The following MGLL variants were observed in gnomAD, a reference collection of about 807,000 sequenced individuals.
The protein encoded by MGLL is lysophospholipase homolog.
MGLL carries 7 observed loss-of-function variants against 29.1 expected under a neutral mutation model. That is an observed-to-expected ratio of 0.24 (90% confidence interval 0.14 to 0.45). The LOEUF is 0.45. Among genes scored for constraint, MGLL ranks in the 20% least tolerant of loss-of-function variants. The probability of loss-of-function intolerance (pLI) is 0.99; values close to 1 mark genes in which losing one functional copy is unlikely to be tolerated. For missense variants in MGLL, 356 were observed against 413.6 expected (o/e 0.86, Z 1.21); for synonymous variants, 148 against 168.3 (o/e 0.88, Z 0.93).
intron 5 of MGLL, among the ~76,000 whole-genome samples, chr3:127,717,468 C>A (rs981134054): frequency 4.6e-5 from 7 of 152,154 alleles, no homozygotes; most frequent in African/African-American, 1.4e-4. Context: ...CCTTCCAGGG[C>A]GGTGCTGGAG....
intron 3 of MGLL, among the ~76,000 whole-genome samples, chr3:127,729,636 C>G (rs550852045): frequency 6.6e-6 from 1 of 152,330 alleles, no homozygotes; most frequent in African/African-American, 2.4e-5. Context: ...ATGAACAAGT[C>G]CTTCATTGCT....
At chr3:127,715,403 G>GTGGTCTCCGTAT in intron 5 of MGLL, 1 of 323,772 alleles carries the variant, frequency 3.1e-6, no homozygotes, top group Non-Finnish European at 6.1e-6. Context: ...TTGTGTAGAG[G>GTGGTCTCCGTAT]CAAATATTTT....
At chr3:127,696,392 GCTT>G (rs1169087864) in intron 6 of MGLL, among the ~76,000 whole-genome samples, 5 of 100,616 alleles carry the variant, frequency 5.0e-5, no homozygotes, top group South Asian at 3.5e-4. Context: ...AGCCCCTGAT[GCTT>G]CTTTTTTTTT....
chr3:127,737,630 CTTTTTTTTTTTT>C (rs774965066), intron 3 of MGLL, among the ~76,000 whole-genome samples: 21 of 68,610 alleles, frequency 3.1e-4, no homozygotes, highest in African/African-American at 1.3e-3. Context: ...TCAACTGCTT[CTTTTTTTTTTTT>C]TTTTTTTTTT....
chr3:127,776,987 T>C (rs952124157), intron 3 of MGLL, among the ~76,000 whole-genome samples: 2 of 150,988 alleles, frequency 1.3e-5, no homozygotes, highest in South Asian at 2.1e-4. Context: ...AAAGGAATAG[T>C]TCCCACGCAG....
intron 3 of MGLL, among the ~76,000 whole-genome samples, chr3:127,733,500 T>G (rs1264095765): frequency 1.3e-5 from 2 of 152,106 alleles, no homozygotes; most frequent in African/African-American, 2.4e-5. Flanking sequence ...CAGGACCCCT[T>G]TCTGGTAACA....
At chr3:127,715,590 A>G in intron 5 of MGLL, 3 of 439,308 alleles carry the variant, frequency 6.8e-6, no homozygotes, top group South Asian at 4.9e-5. Flanking sequence ...TCTCTCCTGA[A>G]GGAGGAAAGG....
At chr3:127,791,865 G>A (rs909473995) in intron 2 of MGLL, among the ~76,000 whole-genome samples, 4 of 152,150 alleles carry the variant, frequency 2.6e-5, no homozygotes, top group Non-Finnish European at 5.9e-5. Context: ...GAGGTCAGGA[G>A]TTCGAGACCA....
chr3:127,799,215 C>T (rs2077436564), intron 2 of MGLL, among the ~76,000 whole-genome samples: 1 of 152,206 alleles, frequency 6.6e-6, no homozygotes, highest in Admixed American at 6.5e-5. Context: ...ATTATCTCAG[C>T]AGGTCCTCCT....
At chr3:127,789,546 C>A (rs528031237) in intron 2 of MGLL, among the ~76,000 whole-genome samples, 1 of 152,086 alleles carries the variant, frequency 6.6e-6, no homozygotes, top group African/African-American at 2.4e-5. Context: ...CCCATCTCTA[C>A]AAAAACATTT....
intron 2 of MGLL, among the ~76,000 whole-genome samples, chr3:127,811,190 C>A (rs1464978350): frequency 7.3e-5 from 10 of 137,592 alleles, no homozygotes; most frequent in Admixed American, 2.1e-4. Flanking sequence ...CTCTCTCAGT[C>A]ATCCCACTGT....
chr3:127,708,817 C>T (rs1262909136), intron 6 of MGLL, among the ~76,000 whole-genome samples: 1 of 152,212 alleles, frequency 6.6e-6, no homozygotes, highest in East Asian at 1.9e-4. Context: ...CTGAGTTTCC[C>T]TGTCAAAGTG....
rs879472308 is a variant in MGLL at position 127,710,734 on chromosome 3, A to AGTTT, written c.511-73_511-70dup. 376 of 1,317,176 alleles carry AGTTT rather than the reference A, an allele frequency of 2.9e-4. 1 individual carries two copies. The highest frequency in any genetic ancestry group is 3.6e-4 in the Non-Finnish European group (339 of 933,898). The allele number at this position is 1,317,176 out of a possible 1,614,324, so 81.6% of individuals were successfully genotyped here. A position where few individuals can be genotyped will look rare whatever the true frequency, so the allele number is the denominator to read the frequency against. ...CCACACCCGGCTCTTCCGCAGTGAC[A>AGTTT]GTTTACAGTACATTAAGGAGAGTGA... On this transcript the variant is annotated intron_variant, in intron 5 of 7. Coordinates refer to ENST00000265052, the MANE Select transcript of MGLL (RefSeq NM_007283.7).
At chr3:127,707,945 G>A (rs1304816679) in intron 6 of MGLL, among the ~76,000 whole-genome samples, 5 of 152,160 alleles carry the variant, frequency 3.3e-5, no homozygotes, top group Admixed American at 6.5e-5. Flanking sequence ...GAGCTAACCC[G>A]CTTCCCTTCA....
intron 3 of MGLL, among the ~76,000 whole-genome samples, chr3:127,754,532 C>A (rs60479698): frequency 6.6e-6 from 1 of 152,064 alleles, no homozygotes; most frequent in South Asian, 2.1e-4. Context: ...GGCAGCAGTA[C>A]CGCCTGTGTC....
intron 6 of MGLL, among the ~76,000 whole-genome samples, chr3:127,699,567 GATGACTC>G: frequency 6.6e-6 from 1 of 152,318 alleles, no homozygotes; most frequent in Middle Eastern, 3.4e-3. Flanking sequence ...AGAGAGGTTA[GATGACTC>G]ACCCAAGGTT....
chr3:127,695,249 G>A (rs2075335880), intron 6 of MGLL, 59 bp from the exon 7 acceptor site: 8 of 1,525,300 alleles, frequency 5.2e-6, no homozygotes, highest in Middle Eastern at 1.7e-4. Context: ...CATAAGCCAG[G>A]CCTATTTCCT....
At chr3:127,775,732 G>A (rs1054204512) in intron 3 of MGLL, among the ~76,000 whole-genome samples, 48 of 152,216 alleles carry the variant, frequency 3.2e-4, no homozygotes, top group African/African-American at 1.0e-3. Flanking sequence ...AGTGCTCCTG[G>A]AGCCGAGAGT....
At chr3:127,775,217 C>A (rs535581786) in intron 3 of MGLL, among the ~76,000 whole-genome samples, 4 of 152,130 alleles carry the variant, frequency 2.6e-5, no homozygotes, top group Non-Finnish European at 5.9e-5. Flanking sequence ...CTGTCACCCA[C>A]CCTCGGAGTT....
Sources: gnomAD v4.1 joint callset for allele counts (sites outside exome capture counted in the v4.1 genomes callset) on GRCh38, gnomAD v4.1.1 for gene constraint, MANE v1.5 for transcripts, NCBI Gene and HGNC (gene_info 2026-07-23, HGNC 2026-07-21) for gene names.